Variants in FBXL17 observed in about 807,000 individuals in gnomAD.
FBXL17 encodes the protein F-box/LRR-repeat protein 17.
Under a neutral mutation model 66.2 loss-of-function variants are expected in FBXL17, and 22 were observed. That is an observed-to-expected ratio of 0.33 (90% confidence interval 0.24 to 0.47). The LOEUF (loss-of-function observed/expected upper bound fraction) is 0.47. Ranked by LOEUF, FBXL17 falls within the 20% of genes least tolerant of loss-of-function variation. FBXL17 has a pLI of 1.00. For synonymous variants in FBXL17, 474 were observed against 400.5 expected, an observed-to-expected ratio of 1.18 and a Z score of -2.19; for missense variants, 878 against 948.2, an observed-to-expected ratio of 0.93 and a Z score of 0.97.
chr5:108,186,026 A>C (rs879845044), intron 6 of FBXL17, 91 bp downstream of exon 6: 11 of 1,031,286 alleles, frequency 1.1e-5, no homozygotes, highest in Non-Finnish European at 1.4e-5. Context: ...GCTGTATTCA[A>C]TTTTAGTTAT....
intron 6 of FBXL17, among the ~76,000 whole-genome samples, chr5:108,136,233 G>T (rs1002159979): frequency 1.3e-5 from 2 of 152,020 alleles, no homozygotes; most frequent in Non-Finnish European, 2.9e-5. Flanking sequence ...AACTCTTTAA[G>T]TAATTCAAAT....
At chr5:108,231,143 C>T (rs2150085511) in intron 4 of FBXL17, among the ~76,000 whole-genome samples, 1 of 152,198 alleles carries the variant, frequency 6.6e-6, no homozygotes, top group African/African-American at 2.4e-5. Flanking sequence ...AAGCACTACG[C>T]ATAATTTTTA....
At chr5:107,869,467 T>G (rs1748381292) in intron 8 of FBXL17, among the ~76,000 whole-genome samples, 1 of 152,150 alleles carries the variant, frequency 6.6e-6, no homozygotes, top group Non-Finnish European at 1.5e-5. Context: ...ACCCCAAATT[T>G]GCATGTAAAT....
chr5:108,313,667 C>T (rs10477888), intron 4 of FBXL17, among the ~76,000 whole-genome samples: 1 of 151,840 alleles, frequency 6.6e-6, no homozygotes, highest in African/African-American at 2.4e-5. Flanking sequence ...ATTCTATTGT[C>T]TATTATTCTT....
At chr5:107,985,002 T>A (rs755311505) in intron 7 of FBXL17, among the ~76,000 whole-genome samples, 1 of 152,206 alleles carries the variant, frequency 6.6e-6, no homozygotes, top group Non-Finnish European at 1.5e-5. Context: ...TAACCTACTA[T>A]GTCATTGTGC....
At position 108,080,424 on chromosome 5, in the gene FBXL17, A is replaced by G. The variant is rs184372002; in HGVS notation, c.1746-59423T>C. Among the ~76,000 whole-genome samples the G allele has an allele frequency of 2.6e-4, 40 of 152,370 alleles. 1 individual carries two copies. The highest frequency in any genetic ancestry group is 2.4e-3 in the Admixed American group (36 of 15,302). On this transcript the variant is annotated intron_variant, in intron 6 of 8. Transcript: ENST00000542267. ...TTCAGAAGTCATGCACTTTGTTAGTAGAGGCGAGATCTGTAATCAGTAGAG... is the reference window on the plus strand; with the variant it reads ...TTCAGAAGTCATGCACTTTGTTAGTGGAGGCGAGATCTGTAATCAGTAGAG...
At chr5:108,276,486 A>G (rs1388504195) in intron 4 of FBXL17, among the ~76,000 whole-genome samples, 1 of 151,968 alleles carries the variant, frequency 6.6e-6, no homozygotes, top group Non-Finnish European at 1.5e-5. Flanking sequence ...TTAGAATAAT[A>G]TATTGTAAGT....
chr5:108,369,712 C>A (rs537787645), intron 1 of FBXL17, among the ~76,000 whole-genome samples: 5 of 151,830 alleles, frequency 3.3e-5, no homozygotes, highest in African/African-American at 1.2e-4. Flanking sequence ...AAGGCCAATA[C>A]AAATCTTGGA....
chr5:107,956,143 T>C (rs1055832266), intron 7 of FBXL17, among the ~76,000 whole-genome samples: 2 of 152,152 alleles, frequency 1.3e-5, no homozygotes, highest in African/African-American at 4.8e-5. Context: ...AAAATTATTA[T>C]GGAAACTTCT....
At chr5:108,107,213 A>C (rs1749834237) in intron 6 of FBXL17, among the ~76,000 whole-genome samples, 1 of 152,094 alleles carries the variant, frequency 6.6e-6, no homozygotes, top group African/African-American at 2.4e-5. Context: ...CTGGGATTAC[A>C]GGCATGTGCC....
At chr5:108,243,512 GT>G (rs1250070154) in intron 4 of FBXL17, among the ~76,000 whole-genome samples, 2 of 152,104 alleles carry the variant, frequency 1.3e-5, no homozygotes, top group Non-Finnish European at 2.9e-5. Flanking sequence ...TGCAATTTCT[GT>G]TTTACAAATG....
At chr5:108,070,904 T>A in intron 6 of FBXL17, among the ~76,000 whole-genome samples, 1 of 152,308 alleles carries the variant, frequency 6.6e-6, no homozygotes, top group Non-Finnish European at 1.5e-5. Context: ...AAGAAACTCT[T>A]TGGTGTAAAA....
At chr5:107,870,709 C>G (rs1748416651) in intron 8 of FBXL17, among the ~76,000 whole-genome samples, 1 of 151,952 alleles carries the variant, frequency 6.6e-6, no homozygotes, top group East Asian at 1.9e-4. Context: ...CCTCAGCCTC[C>G]CAAGTAGCTG....
intron 5 of FBXL17, among the ~76,000 whole-genome samples, chr5:108,208,248 T>C (rs945766515): frequency 1.3e-5 from 2 of 152,238 alleles, no homozygotes; most frequent in South Asian, 2.1e-4. Context: ...AAAAATCTTC[T>C]CCCATTCTGT....
intron 6 of FBXL17, among the ~76,000 whole-genome samples, chr5:108,153,443 T>C (rs1460813563): frequency 6.6e-6 from 1 of 152,252 alleles, no homozygotes; most frequent in Non-Finnish European, 1.5e-5. Flanking sequence ...AATATAATGA[T>C]ACAATTTGTT....
At chr5:107,900,394 T>A (rs780428839) in intron 7 of FBXL17, among the ~76,000 whole-genome samples, 10 of 152,252 alleles carry the variant, frequency 6.6e-5, no homozygotes, top group Non-Finnish European at 7.4e-5. Context: ...TTCTCCCAAA[T>A]CAGTAATATC....
intron 4 of FBXL17, among the ~76,000 whole-genome samples, chr5:108,311,215 C>T (rs1041695627): frequency 4.6e-5 from 7 of 151,918 alleles, no homozygotes; most frequent in African/African-American, 9.7e-5. Context: ...GTTGTTACCC[C>T]GGCTAGACTG....
At chr5:107,901,892 T>C (rs1329281175) in intron 7 of FBXL17, among the ~76,000 whole-genome samples, 1 of 152,214 alleles carries the variant, frequency 6.6e-6, no homozygotes, top group African/African-American at 2.4e-5. Flanking sequence ...TGGAACCACA[T>C]ACAGTGCAGT....
At chr5:108,147,236 T>A (rs966744806) in intron 6 of FBXL17, among the ~76,000 whole-genome samples, 1 of 152,220 alleles carries the variant, frequency 6.6e-6, no homozygotes, top group East Asian at 1.9e-4. Flanking sequence ...ACATCCAGCA[T>A]AAACTCGAAG....
Sources: allele counts gnomAD v4.1 joint callset (sites outside exome capture counted in the v4.1 genomes callset), GRCh38; gene constraint gnomAD v4.1.1; transcripts MANE v1.5; gene names NCBI Gene and HGNC (gene_info 2026-07-23, HGNC 2026-07-21).